The following CD6 variants were observed in gnomAD, a reference collection of about 807,000 sequenced individuals.
The protein encoded by CD6 is CD6 molecule, also known as T-cell differentiation antigen CD6.
CD6 carries 53 observed loss-of-function variants against 75.3 expected under a neutral mutation model. The ratio of observed to expected loss-of-function variants is 0.70; its 90% confidence interval spans 0.56 to 0.88. CD6 has a LOEUF of 0.88. Ranked by LOEUF, CD6 falls within the 40% of genes least tolerant of loss-of-function variation. The pLI is 0.00. For missense variants in CD6, 770 were observed against 897.1 expected, an observed-to-expected ratio of 0.86 and a Z score of 1.81; for synonymous variants, 359 against 381.5, an observed-to-expected ratio of 0.94 and a Z score of 0.69.
At chr11:61,013,798 A>T (rs893017171) in intron 7 of CD6, 121 bp from the exon 8 acceptor site, 1 of 755,874 alleles carries the variant, frequency 1.3e-6, no homozygotes. Flanking sequence ...GCGCGCGCAC[A>T]TGTGCCTGCA....
intron 1 of CD6, among the ~76,000 whole-genome samples, chr11:60,987,673 G>C (rs1021646030): frequency 1.3e-5 from 2 of 151,976 alleles, no homozygotes; most frequent in Non-Finnish European, 2.9e-5. Context: ...AGAGATGCAA[G>C]TTAGATATCT....
In CD6 at chr11:61,007,648, G is replaced by C. The variant is rs1858927247; in HGVS notation, c.207G>C (p.Ala69=). 3 of 1,464,654 alleles carry C rather than the reference G, an allele frequency of 2.0e-6. No individual in the cohort carries two copies. The highest frequency in any genetic ancestry group is 2.4e-4 in the Middle Eastern group (1 of 4,164). 90.7% of individuals were successfully genotyped at this position (1,464,654 alleles called of 1,614,324 possible). ...GGCTCGAGGCGTCCTGGGAGCCCGC[G>C]TGCGGGGCGCTCTGGGACAGCCGCG... is the stretch of plus-strand genomic sequence containing the variant. ...EVRLEASWEP[A]CGALWDSRAA... is the part of the protein sequence containing the mutation. Residue 69 remains alanine, a synonymous_variant, in exon 3 of 13, where the codon GCG becomes GCC. Transcript: ENST00000313421. The surrounding 1 kb of genome is among the most constrained non-coding windows in gnomAD (Gnocchi z 4.2).
chr11:61,009,696 C>T lies in CD6; in HGVS notation c.906C>T (p.Leu302=). 2 of 1,614,096 alleles carry T rather than the reference C, an allele frequency of 1.2e-6. No individual in the cohort carries two copies. Among genetic ancestry groups the T allele is most frequent in the Non-Finnish European group, 8.5e-7 (1 of 1,180,018 alleles). ...SEWYPSEAKV[L]CQSLGCGTAV... Reference sequence around the variant, plus strand: ...GGTACCCATCGGAGGCCAAGGTGCTCTGCCAGTCCTTGGGCTGTGGAACTG... The same window carrying T: ...GGTACCCATCGGAGGCCAAGGTGCTTTGCCAGTCCTTGGGCTGTGGAACTG... Residue 302 remains leucine (L), a synonymous_variant, in exon 5 of 13, where the codon CTC becomes CTT. Coordinates refer to ENST00000313421, the MANE Select transcript of CD6 (RefSeq NM_006725.5).
At chr11:61,002,921 T>A (rs535142998) in intron 1 of CD6, among the ~76,000 whole-genome samples, 1 of 151,650 alleles carries the variant, frequency 6.6e-6, no homozygotes, top group Admixed American at 6.6e-5. Flanking sequence ...CATTAATCCG[T>A]TCATGAAGGC....
chr11:61,011,246 T>C (rs73478336), intron 6 of CD6, 111 bp downstream of exon 6: 35,008 of 872,836 alleles, frequency 0.04, 1,968 homozygotes, highest in African/African-American at 0.22. Flanking sequence ...GGTTTGGTCC[T>C]CATCCTCCAC....
chr11:61,004,611 G>C (rs567007256), intron 1 of CD6: 1 of 152,530 alleles, frequency 6.6e-6, no homozygotes, highest in African/African-American at 2.4e-5. Flanking sequence ...GGCTCAGGGG[G>C]TATGTCCGTG....
At chr11:60,981,764 G>T (rs1253684112) in intron 1 of CD6, among the ~76,000 whole-genome samples, 4 of 152,184 alleles carry the variant, frequency 2.6e-5, no homozygotes, top group Non-Finnish European at 4.4e-5. Flanking sequence ...CAGCCCGAAC[G>T]CCTTCTGCCT....
Position 61,019,932 on chromosome 11 carries a change from G to A in CD6, c.*614G>A, listed in dbSNP as rs1010969779. The stretch of plus-strand genomic sequence containing the variant: ...TGGGCACAACTAGCTGACAATGACA[G>A]GTTGACTGTGTACCCCCAACCAAGG... On this transcript the variant is annotated 3_prime_UTR_variant, in exon 13 of 13. Coordinates refer to ENST00000313421, the MANE Select transcript of CD6 (RefSeq NM_006725.5). 3 of 391,412 alleles carry A rather than the reference G, an allele frequency of 7.7e-6. No individual in the cohort carries two copies. Among genetic ancestry groups the A allele is most frequent in the Non-Finnish European group, 1.3e-5 (3 of 222,226 alleles). 24.2% of individuals were successfully genotyped at this position (391,412 alleles called of 1,614,324 possible).
At chr11:60,987,530 G>A (rs1255240027) in intron 1 of CD6, among the ~76,000 whole-genome samples, 1 of 150,408 alleles carries the variant, frequency 6.6e-6, no homozygotes, top group Non-Finnish European at 1.5e-5. Flanking sequence ...AGTGTGTATA[G>A]GGTGTGTGTG....
intron 1 of CD6, among the ~76,000 whole-genome samples, chr11:61,004,135 A>G (rs1858730534): frequency 6.6e-6 from 1 of 152,090 alleles, no homozygotes; most frequent in African/African-American, 2.4e-5. Context: ...CCAGAGAGAG[A>G]GATGATACAG....
chr11:60,976,765 G>A (rs1329046455), intron 1 of CD6, among the ~76,000 whole-genome samples: 1 of 152,122 alleles, frequency 6.6e-6, no homozygotes, highest in Admixed American at 6.6e-5. Flanking sequence ...CCCTCTAACT[G>A]GGCTGGCTCC....
At chr11:61,009,004 G>T (rs965009636) in intron 4 of CD6, among the ~76,000 whole-genome samples, 159 bp downstream of exon 4, 1 of 152,218 alleles carries the variant, frequency 6.6e-6, no homozygotes, top group Non-Finnish European at 1.5e-5. Context: ...ATTCAGGAGA[G>T]AAAGTGGTAA....
intron 1 of CD6, among the ~76,000 whole-genome samples, chr11:60,980,369 G>A (rs1857516942): frequency 6.6e-6 from 1 of 152,124 alleles, no homozygotes; most frequent in Non-Finnish European, 1.5e-5. Flanking sequence ...CCGGATGTGA[G>A]ATTCATGCCT....
chr11:61,008,593 C>T lies in CD6; in HGVS notation c.529C>T (p.Leu177=). ...CGCCTGCGCCGGCCGCGTGGAGATG[C>T]TGGAGCATGGCGAGTGGGGATCAGT... ...GGACAGRVEM[L]EHGEWGSVCD... The change falls in exon 4 of 13, where the codon CTG becomes TTG. Residue 177 remains leucine (L), a synonymous_variant. Transcript: ENST00000313421. 6.2e-7 allele frequency: 1 copy of T among 1,608,116 alleles called. No individual in the cohort carries two copies. Among genetic ancestry groups the T allele is most frequent in the Non-Finnish European group, 8.5e-7 (1 of 1,177,752 alleles).
chr11:61,001,936 C>T (rs1425804788), intron 1 of CD6, among the ~76,000 whole-genome samples: 2 of 152,246 alleles, frequency 1.3e-5, no homozygotes, highest in Non-Finnish European at 2.9e-5. Context: ...TTGGCCCCTT[C>T]CCCTGAAGCC....
At chr11:60,995,156 C>T (rs3016177) in intron 1 of CD6, among the ~76,000 whole-genome samples, 147,798 of 149,764 alleles carry the variant, frequency 0.99, 72,927 homozygotes, top group East Asian at 1. Context: ...TCTTTCTTTT[C>T]TTTTTTGAAA....
In CD6 at chr11:61,013,951, CCCACCA is replaced by C. The variant is rs773119380; in HGVS notation, c.1328_1333del (p.Thr443_Thr444del). 2 of 1,613,580 alleles carry C rather than the reference CCCACCA, an allele frequency of 1.2e-6. No individual in the cohort carries two copies. The highest frequency in any genetic ancestry group is 1.7e-6 in the Non-Finnish European group (2 of 1,179,792). On this transcript the variant is annotated inframe_deletion, in exon 8 of 13. Transcript: ENST00000313421. ...CGTAATGGTGAACCACCAGCACCTA[CCCACCA>C]CCATCCCGGCAGGGAGCAATAGCTA...
intron 1 of CD6, among the ~76,000 whole-genome samples, chr11:61,004,073 A>G (rs1225258428): frequency 6.6e-6 from 1 of 152,158 alleles, no homozygotes; most frequent in African/African-American, 2.4e-5. Flanking sequence ...GGGTTTTCTG[A>G]TCTAGGAGAA....
intron 1 of CD6, among the ~76,000 whole-genome samples, chr11:60,988,221 A>G (rs1165834854): frequency 2.0e-5 from 3 of 152,228 alleles, no homozygotes; most frequent in Admixed American, 2.0e-4. Flanking sequence ...ATGGAGATGA[A>G]TAAGACGGTG....
Sources: allele counts gnomAD v4.1 joint callset (sites outside exome capture counted in the v4.1 genomes callset), GRCh38; gene constraint gnomAD v4.1.1; non-coding constraint Gnocchi (gnomAD v3.1); transcripts MANE v1.5; gene names NCBI Gene and HGNC (gene_info 2026-07-23, HGNC 2026-07-21).